The following FBXW4 variants were observed in gnomAD, a reference collection of about 807,000 sequenced individuals.
FBXW4 encodes F-box and WD repeat domain containing 4, also known as F-box/WD repeat-containing protein 4.
Under a neutral mutation model 61.8 loss-of-function variants are expected in FBXW4, and 40 were observed. That is an observed-to-expected ratio of 0.65 (90% CI 0.50 to 0.84). The LOEUF (loss-of-function observed/expected upper bound fraction) is 0.84, where lower values mean the gene tolerates loss of function less well. FBXW4 is among the 40% of genes least tolerant of loss of function. The pLI is 0.00. For synonymous variants in FBXW4, 311 were observed against 313.8 expected, an observed-to-expected ratio of 0.99 and a Z score of 0.10; for missense variants, 672 against 753.8, an observed-to-expected ratio of 0.89 and a Z score of 1.27.
chr10:101,626,334 C>T (rs2063907326), intron 5 of FBXW4: 2 of 152,694 alleles, frequency 1.3e-5, no homozygotes, highest in Non-Finnish European at 2.9e-5. Flanking sequence ...TCCTCCCTCC[C>T]CAAACATTTT....
Position 101,692,038 on chromosome 10 carries a change from G to A in FBXW4, c.725+2343C>T, listed in dbSNP as rs60654508. Among the ~76,000 whole-genome samples the A allele has an allele frequency of 1.0e-3, 158 of 151,920 alleles. 1 individual carries two copies. The East Asian group carries it at 0.028, about 27-fold the overall frequency. ...TAGGAGTAAGTGCAACAACAGATAT[G>A]TAAGAACTTTATCATGAAAACCACA... is the stretch of plus-strand genomic sequence containing the variant. On this transcript the variant is annotated intron_variant, in intron 1 of 8. Coordinates refer to ENST00000331272, the MANE Select transcript of FBXW4 (RefSeq NM_022039.4).
At chr10:101,664,581 G>A (rs942200942) in intron 5 of FBXW4, among the ~76,000 whole-genome samples, 5 of 152,182 alleles carry the variant, frequency 3.3e-5, no homozygotes, top group Non-Finnish European at 5.9e-5. Context: ...AACACTACAG[G>A]GGGAAGAGAG....
In FBXW4 at chr10:101,694,621, T is replaced by C. The variant is rs1564930694; in HGVS notation, c.485A>G (p.Glu162Gly). The C allele has an allele frequency of 7.0e-7, 1 of 1,429,424 alleles. No homozygotes were observed. The highest frequency in any genetic ancestry group is 1.5e-5 in the South Asian group (1 of 67,756). 88.5% of individuals were successfully genotyped at this position (1,429,424 alleles called of 1,614,324 possible). A position where few individuals can be genotyped will look rare whatever the true frequency, so the allele number is the denominator to read the frequency against. ...AGCCGCCTCCTCCTCCTCCTCCTCC[T>C]CCCCGGCCGCCGCCGCCATGGCCAC... ...TGVAMAAAAG[E>G]EEEEEEAARE... The change falls in exon 1 of 9, where the codon GAG becomes GGG. Residue 162 changes from glutamate to glycine, a missense_variant. Around this residue, in one of 5 missense-constraint regions of FBXW4, gnomAD observed 311 missense variants for 301.1 expected, o/e 1.03. Transcript: ENST00000331272. This position sits in a 1 kb window ranked among gnomAD's most constrained non-coding sequence, Gnocchi z 6.0.
rs1249726535 is a variant in FBXW4 at position 101,611,055 on chromosome 10, G to A, written c.*236C>T. The stretch of plus-strand genomic sequence containing the variant: ...AGGGACGCAAGGCCCGGGTTCAGCC[G>A]CACTCTAAAGCAGCAGGTCCTGCCT... On this transcript the variant is annotated 3_prime_UTR_variant, in exon 9 of 9. Coordinates refer to ENST00000331272, the MANE Select transcript of FBXW4 (RefSeq NM_022039.4). This position sits in a 1 kb window ranked among gnomAD's most constrained non-coding sequence, Gnocchi z 4.9. The A allele has an allele frequency of 3.5e-5, 16 of 454,794 alleles. No individual in the cohort carries two copies. Among genetic ancestry groups the A allele is most frequent in the Non-Finnish European group, 5.1e-5 (13 of 255,834 alleles). The allele number at this position is 454,794 out of a possible 1,614,324, so 28.2% of individuals were successfully genotyped here.
chr10:101,660,112 G>A (rs1218534989), intron 5 of FBXW4: 1 of 985,278 alleles, frequency 1.0e-6, no homozygotes, highest in Non-Finnish European at 1.2e-6. Flanking sequence ...AGATTGAAGT[G>A]TGTGTCCCTT....
intron 5 of FBXW4, among the ~76,000 whole-genome samples, chr10:101,654,119 TAAAA>T (rs60568785): frequency 1.7e-5 from 2 of 118,306 alleles, no homozygotes; most frequent in African/African-American, 3.2e-5. Flanking sequence ...GACTCCGTCT[TAAAA>T]AAAAAAAAAA....
At chr10:101,631,298 G>A (rs1243816610) in intron 5 of FBXW4, among the ~76,000 whole-genome samples, 1 of 152,124 alleles carries the variant, frequency 6.6e-6, no homozygotes, top group Non-Finnish European at 1.5e-5. Flanking sequence ...AAGGGGTAAA[G>A]ACCAAAGCAT....
At position 101,679,550 on chromosome 10, in the gene FBXW4, G is replaced by T. The variant is rs1391271397; in HGVS notation, c.726-3114C>A. The stretch of plus-strand genomic sequence containing the variant: ...TAAATCACTTTAATTAGTGCTATTG[G>T]GTTTGTATAGCAAGTTGACTTCATG... On this transcript the variant is annotated intron_variant, in intron 1 of 8. Transcript: ENST00000331272. Among the ~76,000 whole-genome samples the T allele has an allele frequency of 2.6e-5, 4 of 152,108 alleles. No homozygotes were observed. The East Asian group carries it at 7.7e-4, about 29-fold the overall frequency.
intron 6 of FBXW4, among the ~76,000 whole-genome samples, chr10:101,612,728 C>T (rs1589734909): frequency 1.3e-5 from 2 of 151,170 alleles, no homozygotes; most frequent in Admixed American, 1.3e-4. Flanking sequence ...ATCACACCTG[C>T]GTGCCGGCTG....
intron 5 of FBXW4, among the ~76,000 whole-genome samples, chr10:101,655,395 G>T (rs539954078): frequency 3.9e-5 from 6 of 152,090 alleles, no homozygotes; most frequent in East Asian, 1.9e-4. Context: ...ATAATTTGTG[G>T]TTTTTTTTCC....
intron 6 of FBXW4, among the ~76,000 whole-genome samples, chr10:101,622,535 G>C (rs1305506870): frequency 6.6e-6 from 1 of 152,020 alleles, no homozygotes; most frequent in Non-Finnish European, 1.5e-5. Flanking sequence ...AGACCATCCT[G>C]GCTAACACAG....
intron 5 of FBXW4, chr10:101,628,042 G>A: frequency 1.1e-6 from 1 of 933,574 alleles, no homozygotes. Context: ...ATCCCTCACG[G>A]TGCTGGCTCC....
At chr10:101,684,090 A>G (rs761642562) in intron 1 of FBXW4, among the ~76,000 whole-genome samples, 71 of 152,152 alleles carry the variant, frequency 4.7e-4, no homozygotes, top group Non-Finnish European at 8.7e-4. Flanking sequence ...CAGCCTCCCA[A>G]GTAGCTGGGA....
chr10:101,643,086 C>T (rs1025385978), intron 5 of FBXW4, among the ~76,000 whole-genome samples: 5 of 152,242 alleles, frequency 3.3e-5, no homozygotes, highest in Admixed American at 6.5e-5. Context: ...AGGAGACTCT[C>T]ATGAGCCACA....
rs140487661 is a variant in FBXW4, at chr10:101,659,812, G to C, written c.1235+8074C>G. ...GGTATGCATACACATATCCATGTTA[G>C]AATACACTTTTTAGGACCAAAGGAC... is the stretch of plus-strand genomic sequence containing the variant. On this transcript the variant is annotated intron_variant, in intron 5 of 8. Coordinates refer to ENST00000331272, the MANE Select transcript of FBXW4 (RefSeq NM_022039.4). Among the ~76,000 whole-genome samples the C allele has an allele frequency of 3.5e-3, 539 of 152,294 alleles. 3 individuals carry two copies. The highest frequency in any genetic ancestry group is 0.013 in the African/African-American group (520 of 41,566).
intron 1 of FBXW4, among the ~76,000 whole-genome samples, chr10:101,684,415 T>C (rs752077820): frequency 5.0e-4 from 76 of 152,260 alleles, no homozygotes; most frequent in Non-Finnish European, 8.4e-4. Context: ...CGTGAGCCAC[T>C]GCGCCTGGCC....
At chr10:101,659,543 A>G (rs1219626876) in intron 5 of FBXW4, 1 of 408,926 alleles carries the variant, frequency 2.4e-6, no homozygotes, top group Non-Finnish European at 3.3e-6. Flanking sequence ...GAGATGCTTC[A>G]TGTGTGTCTA....
intron 6 of FBXW4, among the ~76,000 whole-genome samples, chr10:101,620,539 C>G (rs996743257): frequency 3.3e-5 from 5 of 152,256 alleles, no homozygotes; most frequent in African/African-American, 9.6e-5. Context: ...CCAGGGCAAC[C>G]CTGCCACAAG....
At chr10:101,646,279 G>A (rs72844622) in intron 5 of FBXW4, among the ~76,000 whole-genome samples, 8,546 of 152,240 alleles carry the variant, frequency 0.056, 315 homozygotes, top group Middle Eastern at 0.14. Flanking sequence ...ACCTGGCCAG[G>A]GCCTCAGGAG....
Sources: gnomAD v4.1 joint callset for allele counts (sites outside exome capture counted in the v4.1 genomes callset) on GRCh38, gnomAD v4.1.1 for gene constraint, gnomAD v4.1.1 regional missense constraint, Gnocchi (gnomAD v3.1) non-coding constraint, MANE v1.5 for transcripts, NCBI Gene and HGNC (gene_info 2026-07-23, HGNC 2026-07-21) for gene names.